Variants in CDC42EP4 observed in about 807,000 individuals in gnomAD.
CDC42EP4 encodes CDC42 effector protein (Rho GTPase binding) 4.
Under a neutral mutation model 5.6 loss-of-function variants are expected in CDC42EP4, and 6 were observed. The observed-to-expected ratio is 1.07, with a 90% CI of 0.59 to 2.12. CDC42EP4 has a LOEUF of 2.12. Ranked by LOEUF, CDC42EP4 falls within the 30% of genes most tolerant of loss-of-function variation. The probability of loss-of-function intolerance (pLI) is 0.00; values close to 1 mark genes in which losing one functional copy is unlikely to be tolerated. For missense variants in CDC42EP4, 490 were observed against 508.6 expected (o/e 0.96, Z 0.35); for synonymous variants, 230 against 224.2 (o/e 1.03, Z -0.23).
intron 1 of CDC42EP4, among the ~76,000 whole-genome samples, chr17:73,305,994 C>A (rs2062242916): frequency 6.6e-6 from 1 of 152,160 alleles, no homozygotes; most frequent in African/African-American, 2.4e-5. Context: ...GGGCAGGAAA[C>A]CCTCGGATCT....
chr17:73,302,599 C>T (rs1033816469), intron 1 of CDC42EP4, among the ~76,000 whole-genome samples: 1 of 152,102 alleles, frequency 6.6e-6, no homozygotes, highest in African/African-American at 2.4e-5. Context: ...ACCTCAGTCC[C>T]GAGTAGCTGG....
At position 73,288,876 on chromosome 17, in the gene CDC42EP4, C is replaced by A. The variant is rs75248588; in HGVS notation, c.-112-2264G>T. Reference sequence around the variant, plus strand: ...CCAGCAAACACAAAGTTCTCTCGGGCAGGGAGGGGGAGCCAGGCACCTGGC... The same window carrying A: ...CCAGCAAACACAAAGTTCTCTCGGGAAGGGAGGGGGAGCCAGGCACCTGGC... On this transcript the variant is annotated intron_variant, in intron 1 of 1. Transcript: ENST00000335793. Among the ~76,000 whole-genome samples the A allele has an allele frequency of 6.2e-3, 937 of 152,330 alleles. 10 individuals are homozygous for A. Among genetic ancestry groups the A allele is most frequent in the African/African-American group, 0.022 (904 of 41,572 alleles).
chr17:73,307,358 T>C (rs765513393), intron 1 of CDC42EP4: 2 of 151,804 alleles, frequency 1.3e-5, no homozygotes, highest in African/African-American at 2.4e-5. Context: ...GAAGCCCAAG[T>C]CTCCTCAAGA....
At chr17:73,305,130 C>T (rs1464945274) in intron 1 of CDC42EP4, among the ~76,000 whole-genome samples, 2 of 152,196 alleles carry the variant, frequency 1.3e-5, no homozygotes, top group Non-Finnish European at 2.9e-5. Context: ...GAAGCAACAA[C>T]GGAGGAGTCA....
intron 1 of CDC42EP4, among the ~76,000 whole-genome samples, chr17:73,292,969 C>T (rs1007874480): frequency 6.6e-6 from 1 of 152,144 alleles, no homozygotes; most frequent in South Asian, 2.1e-4. Flanking sequence ...CTGCCCGCCT[C>T]GGCCTCCCAA....
chr17:73,290,779 T>C (rs1599431177), intron 1 of CDC42EP4, among the ~76,000 whole-genome samples: 1 of 150,784 alleles, frequency 6.6e-6, no homozygotes. Context: ...GCGTTAAGGG[T>C]TTCAACGCCA....
At chr17:73,311,636 G>C (rs923392160) in intron 1 of CDC42EP4, 1 of 152,392 alleles carries the variant, frequency 6.6e-6, no homozygotes, top group Non-Finnish European at 1.5e-5. Flanking sequence ...CCGGCTCCCT[G>C]CCACCTCCTC....
chr17:73,295,956 T>G (rs1568342857), intron 1 of CDC42EP4, among the ~76,000 whole-genome samples: 1 of 151,610 alleles, frequency 6.6e-6, no homozygotes, highest in Non-Finnish European at 1.5e-5. Flanking sequence ...TGATTCAGTT[T>G]CCTCAAATAA....
chr17:73,301,054 A>AT (rs1290246030), intron 1 of CDC42EP4, among the ~76,000 whole-genome samples: 2 of 149,342 alleles, frequency 1.3e-5, no homozygotes, highest in Non-Finnish European at 3.0e-5. Context: ...TCTCAAAAAA[A>AT]TTAAAAAAAA....
At chr17:73,295,053 C>T (rs547018263) in intron 1 of CDC42EP4, among the ~76,000 whole-genome samples, 1 of 152,232 alleles carries the variant, frequency 6.6e-6, no homozygotes, top group South Asian at 2.1e-4. Flanking sequence ...CTCAGGGGAT[C>T]CACCTGCCTC....
intron 1 of CDC42EP4, among the ~76,000 whole-genome samples, chr17:73,295,308 C>T (rs1449139206): frequency 1.3e-5 from 2 of 152,134 alleles, no homozygotes; most frequent in African/African-American, 4.8e-5. Flanking sequence ...GGTGCTGGAG[C>T]CCAAGTCTCT....
intron 1 of CDC42EP4, among the ~76,000 whole-genome samples, chr17:73,297,507 A>G (rs1396637983): frequency 1.3e-5 from 2 of 152,128 alleles, no homozygotes; most frequent in Admixed American, 1.3e-4. Context: ...AATAAATAGA[A>G]AAACAGGCAG....
intron 1 of CDC42EP4, among the ~76,000 whole-genome samples, chr17:73,296,980 CAAAAAAAA>C (rs35158994): frequency 5.5e-5 from 1 of 18,140 alleles, no homozygotes; most frequent in African/African-American, 2.0e-4. Context: ...GACTCCGTCT[CAAAAAAAA>C]AAAAAAAAAA....
chr17:73,297,091 C>G (rs1206388963), intron 1 of CDC42EP4, among the ~76,000 whole-genome samples: 1 of 147,458 alleles, frequency 6.8e-6, no homozygotes, highest in Non-Finnish European at 1.5e-5. Context: ...GTCAGGAGTT[C>G]AAGACCAGCC....
chr17:73,293,565 C>T (rs558684880), intron 1 of CDC42EP4, among the ~76,000 whole-genome samples: 1 of 152,292 alleles, frequency 6.6e-6, no homozygotes, highest in South Asian at 2.1e-4. Context: ...TACCCCTAGG[C>T]GGAACTTCAC....
intron 1 of CDC42EP4, among the ~76,000 whole-genome samples, chr17:73,301,153 G>A (rs1054275461): frequency 6.6e-6 from 1 of 151,962 alleles, no homozygotes; most frequent in African/African-American, 2.4e-5. Context: ...AAAAGAGGAT[G>A]TATAAAATAT....
In CDC42EP4 at chr17:73,285,578, C is replaced by A. The variant is rs372995454; in HGVS notation, c.923G>T (p.Ser308Ile). 12 of 1,611,628 alleles carry A rather than the reference C, an allele frequency of 7.4e-6. No homozygotes were observed. In the African/African-American group the frequency reaches 1.3e-4, roughly 18 times the overall value. ...GCCTGAGGTGCAGCTGGAGAGGGAG[C>A]TGCTGTCCCGTGTGGTGTGGCTGCC... ...SMGSHTTRDS[S>I]SLSSCTSGIL... Residue 308 changes from serine (S) to isoleucine (I), a missense_variant, in exon 2 of 2, where the codon AGC becomes ATC. Physicochemically the swap from Ser to Ile is moderately radical, Grantham distance 142 (BLOSUM62 -2). Coordinates refer to ENST00000335793, the MANE Select transcript of CDC42EP4 (RefSeq NM_012121.5). This position sits in a 1 kb window ranked among gnomAD's most constrained non-coding sequence, Gnocchi z 6.8.
chr17:73,285,407 C>G lies in CDC42EP4; in HGVS notation c.*23G>C, dbSNP rs746046069. The G allele has an allele frequency of 7.9e-6, 12 of 1,525,672 alleles. No individual in the cohort carries two copies. Among genetic ancestry groups the G allele is most frequent in the Middle Eastern group, 3.5e-4 (2 of 5,660 alleles). The allele number at this position is 1,525,672 out of a possible 1,614,324, so 94.5% of individuals were successfully genotyped here. A position where few individuals can be genotyped will look rare whatever the true frequency, so the allele number is the denominator to read the frequency against. On this transcript the variant is annotated 3_prime_UTR_variant, in exon 2 of 2. Transcript: ENST00000335793. The surrounding 1 kb of genome is among the most constrained non-coding windows in gnomAD (Gnocchi z 6.8). ...AGGGAGAAGATGCAGCCAAGAGCTC[C>G]CGGTGGCCACCCACTGTCCGCCTCA... is the stretch of plus-strand genomic sequence containing the variant.
At chr17:73,287,456 AC>A (rs1462972753) in intron 1 of CDC42EP4, among the ~76,000 whole-genome samples, 1 of 152,168 alleles carries the variant, frequency 6.6e-6, no homozygotes, top group Non-Finnish European at 1.5e-5. Flanking sequence ...GGATCTGCAG[AC>A]TGATTCCTAG....
Sources: gnomAD v4.1 joint callset for allele counts (sites outside exome capture counted in the v4.1 genomes callset) on GRCh38, gnomAD v4.1.1 for gene constraint, Gnocchi (gnomAD v3.1) non-coding constraint, MANE v1.5 for transcripts, NCBI Gene and HGNC (gene_info 2026-07-23, HGNC 2026-07-21) for gene names.